The following LYRM4 variants were observed in gnomAD, a reference collection of about 807,000 sequenced individuals.
The protein encoded by LYRM4 is LYR motif-containing protein 4.
Under a neutral mutation model 11.7 loss-of-function variants are expected in LYRM4, and 9 were observed. The ratio of observed to expected loss-of-function variants is 0.77; its 90% CI spans 0.46 to 1.34. The LOEUF (loss-of-function observed/expected upper bound fraction) is 1.34, where lower values mean the gene tolerates loss of function less well. LYRM4 is among the 40% of genes most tolerant of loss of function. The pLI, the probability that LYRM4 is intolerant of heterozygous loss-of-function variation, is 0.00. For synonymous variants in LYRM4, 42 were observed against 40.4 expected, an observed-to-expected ratio of 1.04 and a Z score of -0.15; for missense variants, 133 against 112.5, an observed-to-expected ratio of 1.18 and a Z score of -0.82.
intron 1 of LYRM4, among the ~76,000 whole-genome samples, chr6:5,257,560 G>A (rs530247325): frequency 1.2e-4 from 19 of 152,320 alleles, no homozygotes; most frequent in Non-Finnish European, 2.6e-4. Context: ...TCCGTGGCCT[G>A]TTAGGAACCG....
the LYRM4 span, among the ~76,000 whole-genome samples, chr6:5,049,586 A>T: frequency 2.0e-5 from 3 of 152,216 alleles, no homozygotes; most frequent in African/African-American, 7.2e-5. Flanking sequence ...TCTGTAACAT[A>T]ATAACAGCTC....
chr6:5,086,300 T>G, the LYRM4 span: 1 of 1,535,598 alleles, frequency 6.5e-7, no homozygotes, highest in Non-Finnish European at 8.7e-7. Context: ...CCCGAGCCGC[T>G]GGAGCCACAG....
At chr6:5,060,979 C>CA in the LYRM4 span, among the ~76,000 whole-genome samples, 1 of 152,116 alleles carries the variant, frequency 6.6e-6, no homozygotes, top group Non-Finnish European at 1.5e-5. Flanking sequence ...CTATACTGTT[C>CA]TGTGTTCTTA....
At chr6:5,112,504 C>A (rs1248586956) in intron 2 of LYRM4, among the ~76,000 whole-genome samples, 1 of 152,208 alleles carries the variant, frequency 6.6e-6, no homozygotes, top group Non-Finnish European at 1.5e-5. Context: ...TTTAAAGACC[C>A]AGAAAACCTG....
Position 5,164,452 on chromosome 6 carries a change from C to G in LYRM4, c.207+52166G>C, listed in dbSNP as rs61473991. Among the ~76,000 whole-genome samples, 423 of 152,260 alleles carry G rather than the reference C, an allele frequency of 2.8e-3. 3 individuals carry two copies. Among genetic ancestry groups the G allele is most frequent in the African/African-American group, 9.7e-3 (401 of 41,548 alleles). ...ATCTCACAAATAATAATGAGCAAGACTGATCAGATTCCATCTAGATAATAT... is the reference window on the plus strand; with the variant it reads ...ATCTCACAAATAATAATGAGCAAGAGTGATCAGATTCCATCTAGATAATAT... On this transcript the variant is annotated intron_variant, in intron 2 of 2. Transcript: ENST00000330636.
intron 2 of LYRM4, among the ~76,000 whole-genome samples, chr6:5,189,660 C>T (rs1022794925): frequency 6.6e-6 from 1 of 152,142 alleles, no homozygotes. Flanking sequence ...TCCATTTTGT[C>T]GATGAGCATG....
At chr6:5,058,534 GTCC>G in the LYRM4 span, among the ~76,000 whole-genome samples, 5 of 152,164 alleles carry the variant, frequency 3.3e-5, no homozygotes, top group African/African-American at 1.2e-4. Context: ...GATTCTCTCT[GTCC>G]TCCTTTTCTG....
In LYRM4 at chr6:5,148,119, G is replaced by A. The variant is rs527272167; in HGVS notation, c.208-38628C>T. 86 of 152,716 alleles carry A rather than the reference G, an allele frequency of 5.6e-4. 1 individual carries two copies. Among genetic ancestry groups the A allele is most frequent in the Non-Finnish European group, 2.9e-4 (20 of 68,086 alleles). 9.5% of individuals were successfully genotyped at this position (152,716 alleles called of 1,614,324 possible). A position where few individuals can be genotyped will look rare whatever the true frequency, so the allele number is the denominator to read the frequency against. On this transcript the variant is annotated intron_variant, in intron 2 of 2. Coordinates refer to ENST00000330636, the MANE Select transcript of LYRM4 (RefSeq NM_020408.6). The stretch of plus-strand genomic sequence containing the variant: ...GAGCTCTTGCTCACAGAAGACATCC[G>A]TGACTGGTGTCCCGGCCACCCTCCC...
At chr6:5,146,352 C>T (rs933107298) in intron 2 of LYRM4, among the ~76,000 whole-genome samples, 6 of 152,248 alleles carry the variant, frequency 3.9e-5, no homozygotes, top group East Asian at 1.9e-4. Context: ...CCATCTTGCT[C>T]GCATGTTATC....
chr6:5,169,071 T>G (rs1268054363), intron 2 of LYRM4, among the ~76,000 whole-genome samples: 1 of 152,210 alleles, frequency 6.6e-6, no homozygotes, highest in African/African-American at 2.4e-5. Context: ...AAGACAAATG[T>G]GCATTTGGCT....
chr6:5,118,638 T>C (rs962433288), intron 2 of LYRM4, among the ~76,000 whole-genome samples: 7 of 152,170 alleles, frequency 4.6e-5, no homozygotes, highest in Admixed American at 6.5e-5. Context: ...CTTGCCACTG[T>C]CAAGTCACCA....
chr6:5,039,642 TATA>T, the LYRM4 span, among the ~76,000 whole-genome samples: 1 of 152,148 alleles, frequency 6.6e-6, no homozygotes, highest in African/African-American at 2.4e-5. Context: ...ACATCATAAT[TATA>T]ATAATAAAAA....
rs189483360 is a variant in LYRM4, at chr6:5,108,467, C to A, written c.*956G>T. The A allele has an allele frequency of 4.6e-5, 45 of 977,156 alleles. No individual in the cohort carries two copies. Among genetic ancestry groups the A allele is most frequent in the Non-Finnish European group, 3.4e-5 (28 of 822,184 alleles). The allele number at this position is 977,156 out of a possible 1,614,324, so 60.5% of individuals were successfully genotyped here. On this transcript the variant is annotated 3_prime_UTR_variant, in exon 3 of 3. Coordinates refer to ENST00000330636, the MANE Select transcript of LYRM4 (RefSeq NM_020408.6). ...TATTACCTGTAATATACTTAAAGAG[C>A]AGGGGTCCCCAGTTGGTTAAACATT...
At chr6:5,059,316 G>A in the LYRM4 span, among the ~76,000 whole-genome samples, 7 of 146,480 alleles carry the variant, frequency 4.8e-5, no homozygotes, top group East Asian at 2.0e-4. Context: ...ATTCCGGCCC[G>A]TGCAACAGAG....
chr6:5,040,352 GATACATACATACATAC>G, the LYRM4 span, among the ~76,000 whole-genome samples: 56 of 130,120 alleles, frequency 4.3e-4, no homozygotes, highest in African/African-American at 1.7e-3. Context: ...TAGATAGATA[GATACATACATACATAC>G]ATACATACAT....
At chr6:5,198,007 C>T (rs749491546) in intron 2 of LYRM4, among the ~76,000 whole-genome samples, 1 of 152,068 alleles carries the variant, frequency 6.6e-6, no homozygotes, top group Non-Finnish European at 1.5e-5. Context: ...CCCATCCCTA[C>T]TAAAATACAA....
intron 1 of LYRM4, among the ~76,000 whole-genome samples, chr6:5,254,310 T>C (rs2753242): frequency 0.82 from 124,801 of 152,210 alleles, 51,785 homozygotes; most frequent in African/African-American, 0.95. Context: ...CAACTTTTTG[T>C]AGGGAAAACG....
At chr6:5,138,138 G>A (rs1015208736) in intron 2 of LYRM4, among the ~76,000 whole-genome samples, 1 of 152,088 alleles carries the variant, frequency 6.6e-6, no homozygotes, top group African/African-American at 2.4e-5. Context: ...ATTCATGAAA[G>A]TAAATTTCAT....
chr6:5,093,000 A>T, the LYRM4 span, among the ~76,000 whole-genome samples: 5 of 152,230 alleles, frequency 3.3e-5, no homozygotes, highest in Non-Finnish European at 1.5e-5. Context: ...CTGTGAATAT[A>T]CTTGGGTATT....
Sources: allele counts gnomAD v4.1 joint callset (sites outside exome capture counted in the v4.1 genomes callset), GRCh38; gene constraint gnomAD v4.1.1; transcripts MANE v1.5; gene names NCBI Gene and HGNC (gene_info 2026-07-23, HGNC 2026-07-21).